Variants in CLGN observed in about 807,000 individuals in gnomAD.
CLGN encodes testis tissue sperm-binding protein Li 79P.
CLGN carries 62 observed loss-of-function variants against 79.1 expected under a neutral mutation model. The ratio of observed to expected loss-of-function variants is 0.78; its 90% CI spans 0.64 to 0.97. The LOEUF (loss-of-function observed/expected upper bound fraction) is 0.97, where lower values mean the gene tolerates loss of function less well. Among genes scored for constraint, CLGN ranks in the 50% least tolerant of loss-of-function variants. The pLI is 0.00. For missense variants in CLGN, 647 were observed against 715.5 expected (o/e 0.90, Z 1.09); for synonymous variants, 225 against 224.7 (o/e 1.00, Z -0.01).
At chr4:140,404,079 T>TTTTA (rs1215386423) in intron 5 of CLGN, among the ~76,000 whole-genome samples, 10 of 151,844 alleles carry the variant, frequency 6.6e-5, no homozygotes, top group African/African-American at 2.2e-4. Flanking sequence ...TTAATTTTAT[T>TTTTA]TTTATTTATT....
intron 4 of CLGN, among the ~76,000 whole-genome samples, chr4:140,407,908 G>A (rs1454092097): frequency 6.6e-6 from 1 of 152,046 alleles, no homozygotes; most frequent in African/African-American, 2.4e-5. Context: ...CAAATCTGGA[G>A]ACATCACATT....
At chr4:140,389,419 T>TA in intron 14 of CLGN, 115 bp from the exon 15 acceptor site, 1 of 752,302 alleles carries the variant, frequency 1.3e-6, no homozygotes, top group South Asian at 1.7e-5. Context: ...CAAGTGCTAT[T>TA]ATGAAGGTAT....
rs1728868988 is a variant in CLGN, at chr4:140,396,114, T to G, written c.976A>C (p.Asn326His). ...DDEPKFIPDPNAEKPDDWNED... is the reference protein window; with the variant it reads ...DDEPKFIPDPHAEKPDDWNED... ...TACCAGTCATCAGGTTTTTCAGCAT[T>G]AGGATCAGGGATAAATTTTGGTTCA... The change falls in exon 9 of 15, where the codon AAT (asparagine) becomes CAT (histidine). Residue 326 changes from asparagine (N) to histidine (H), a missense_variant. Transcript: ENST00000325617. 10 of 1,613,970 alleles carry G rather than the reference T, an allele frequency of 6.2e-6. No homozygotes were observed. The African/African-American group carries it at 9.3e-5, about 15-fold the overall frequency.
At chr4:140,410,521 C>A in intron 3 of CLGN, 32 bp downstream of exon 3, 3 of 1,468,462 alleles carry the variant, frequency 2.0e-6, no homozygotes, top group South Asian at 2.3e-5. Context: ...GCTAATAAAT[C>A]AAAGAAAACA....
intron 1 of CLGN, among the ~76,000 whole-genome samples, chr4:140,420,810 A>G (rs1192436860): frequency 6.6e-6 from 1 of 152,190 alleles, no homozygotes; most frequent in Non-Finnish European, 1.5e-5. Flanking sequence ...ATGCTGGGGT[A>G]ATACTACAAG....
chr4:140,389,295 C>T lies in CLGN; in HGVS notation c.1762G>A (p.Ala588Thr). 6.2e-7 allele frequency: 1 copy of T among 1,611,592 alleles called. No homozygotes were observed. The highest frequency in any genetic ancestry group is 8.5e-7 in the Non-Finnish European group (1 of 1,178,388). The change falls in exon 15 of 15, where the codon GCA (alanine) becomes ACA (threonine). Residue 588 changes from alanine (A) to threonine (T), a missense_variant. Coordinates refer to ENST00000325617, the MANE Select transcript of CLGN (RefSeq NM_004362.3). ...TCTCCAGATCCTGTGCTCTCATCTG[C>T]TTCTTTCATCTAGAAAAAATAATTA... is the stretch of plus-strand genomic sequence containing the variant. ...KSGSEDEMKE[A>T]DESTGSGDGP...
At chr4:140,408,252 T>C (rs1045175942) in intron 4 of CLGN, among the ~76,000 whole-genome samples, 1 of 152,068 alleles carries the variant, frequency 6.6e-6, no homozygotes, top group African/African-American at 2.4e-5. Flanking sequence ...GAAAAACTCT[T>C]CTAGACATTG....
intron 1 of CLGN, among the ~76,000 whole-genome samples, chr4:140,415,454 C>G (rs1280994150): frequency 6.6e-6 from 1 of 151,954 alleles, no homozygotes; most frequent in East Asian, 1.9e-4. Context: ...TTCAGGAAAC[C>G]CATCTCACGT....
intron 4 of CLGN, among the ~76,000 whole-genome samples, chr4:140,409,428 T>A (rs1219816448): frequency 6.6e-6 from 1 of 152,052 alleles, no homozygotes; most frequent in African/African-American, 2.4e-5. Flanking sequence ...CCACATATCT[T>A]GTAGCTCTCA....
Position 140,396,055 on chromosome 4 carries a change from C to T in CLGN, c.998+37G>A, listed in dbSNP as rs1409025009. 3 of 1,609,612 alleles carry T rather than the reference C, an allele frequency of 1.9e-6. No individual in the cohort carries two copies. In the African/African-American group the frequency reaches 4.0e-5, roughly 22 times the overall value. On this transcript the variant is annotated intron_variant, in intron 9 of 14. Coordinates refer to ENST00000325617, the MANE Select transcript of CLGN (RefSeq NM_004362.3). ...TAGTAACAAAAATGCATGTAAGAAA[C>T]ATTTGAAATCGACATTTGAAGATGA...
chr4:140,397,937 TA>T (rs973450281), intron 8 of CLGN, among the ~76,000 whole-genome samples: 18 of 152,026 alleles, frequency 1.2e-4, no homozygotes, highest in Non-Finnish European at 2.9e-5. Flanking sequence ...AAACACTTAG[TA>T]AATTCTGAAG....
Position 140,398,990 on chromosome 4 carries a change from T to C in CLGN, c.745A>G (p.Asn249Asp), listed in dbSNP as rs1361574673. The C allele has an allele frequency of 1.9e-6, 3 of 1,613,902 alleles. No homozygotes were observed. The change falls in exon 8 of 15, where the codon AAC becomes GAC. Residue 249 changes from asparagine to aspartate, a missense_variant. By Grantham distance (23) the Asn-to-Asp change is conservative. Coordinates refer to ENST00000325617, the MANE Select transcript of CLGN (RefSeq NM_004362.3). ...FEVLVDQTVVNKGSLLEDVVP... is the reference protein window; with the variant it reads ...FEVLVDQTVVDKGSLLEDVVP... The stretch of plus-strand genomic sequence containing the variant: ...ACATCCTCTAGGAGGCTTCCTTTGT[T>C]TACAACTGTTTGATCAACTAACACC...
In CLGN at chr4:140,400,469, G is replaced by A. The variant is rs1272697771; in HGVS notation, c.582C>T (p.Ile194=). ...CAGTTTTGGGATGTTTATGTCTGAA[G>A]ATAAAATGAAGTTTATAATCTTCTC... ...KCGEDYKLHF[I]FRHKHPKTGV... The change falls in exon 7 of 15, where the codon ATC becomes ATT. Residue 194 remains isoleucine, a synonymous_variant. Coordinates refer to ENST00000325617, the MANE Select transcript of CLGN (RefSeq NM_004362.3). 1.2e-6 allele frequency: 2 copies of A among 1,606,460 alleles called. No individual in the cohort carries two copies. The highest frequency in any genetic ancestry group is 1.7e-6 in the Non-Finnish European group (2 of 1,173,440).
At chr4:140,426,584 T>C (rs1411192211) in intron 1 of CLGN, 1 of 152,282 alleles carries the variant, frequency 6.6e-6, no homozygotes, top group African/African-American at 2.4e-5. Flanking sequence ...TCGACATTTG[T>C]AAAACAAGCA....
rs145296380 is a variant in CLGN at position 140,392,641 on chromosome 4, G to C, written c.1436C>G (p.Thr479Arg). ...AATTAATGCTATTGGCACTCCTGCT[G>C]TCACAAGATAAATCAACCAAAGCCA... is the stretch of plus-strand genomic sequence containing the variant. ...HPWLWLIYLV[T>R]AGVPIALITS... The change falls in exon 12 of 15, where the codon ACA becomes AGA. Residue 479 changes from threonine to arginine, a missense_variant. Coordinates refer to ENST00000325617, the MANE Select transcript of CLGN (RefSeq NM_004362.3). 4 of 1,610,980 alleles carry C rather than the reference G, an allele frequency of 2.5e-6. No individual in the cohort carries two copies. In the African/African-American group the frequency reaches 5.4e-5, roughly 22 times the overall value.
At chr4:140,410,975 A>C (rs1409515806) in intron 2 of CLGN, among the ~76,000 whole-genome samples, 1 of 152,076 alleles carries the variant, frequency 6.6e-6, no homozygotes, top group African/African-American at 2.4e-5. Flanking sequence ...AGAGCTTAGT[A>C]AGCACATAGG....
chr4:140,410,484 A>T, intron 3 of CLGN, 69 bp downstream of exon 3: 1 of 1,099,808 alleles, frequency 9.1e-7, no homozygotes, highest in Non-Finnish European at 1.4e-6. Context: ...TAATTTTCAT[A>T]GGCCAAAACC....
intron 8 of CLGN, among the ~76,000 whole-genome samples, chr4:140,397,334 G>T (rs113558824): frequency 1.3e-5 from 2 of 151,982 alleles, no homozygotes; most frequent in Non-Finnish European, 2.9e-5. Context: ...TAGCATAAGT[G>T]ATACACAAAA....
At chr4:140,423,191 T>C (rs915655688) in intron 1 of CLGN, among the ~76,000 whole-genome samples, 1 of 152,236 alleles carries the variant, frequency 6.6e-6, no homozygotes, top group Non-Finnish European at 1.5e-5. Flanking sequence ...ATATGACCTT[T>C]ACTATGTTGA....
Sources: allele counts gnomAD v4.1 joint callset (sites outside exome capture counted in the v4.1 genomes callset), GRCh38; gene constraint gnomAD v4.1.1; transcripts MANE v1.5; gene names NCBI Gene and HGNC (gene_info 2026-07-23, HGNC 2026-07-21).